ACAP2: variants seen among roughly 807,000 people sequenced by gnomAD.
ACAP2 encodes the protein ArfGAP with coiled-coil, ankyrin repeat and PH domains 2.
In ACAP2, 39 loss-of-function variants were observed where a neutral mutation model predicts 115.8. That is an observed-to-expected ratio of 0.34 (90% CI 0.26 to 0.44). ACAP2 has a LOEUF of 0.44. Among genes scored for constraint, ACAP2 ranks in the 20% least tolerant of loss-of-function variants. ACAP2 has a pLI of 1.00. For synonymous variants in ACAP2, 289 were observed against 315.8 expected, an observed-to-expected ratio of 0.92 and a Z score of 0.90; for missense variants, 662 against 927.6, an observed-to-expected ratio of 0.71 and a Z score of 3.72.
chr3:195,298,288 C>T (rs1727791146), intron 15 of ACAP2, among the ~76,000 whole-genome samples: 1 of 146,584 alleles, frequency 6.8e-6, no homozygotes, highest in South Asian at 2.2e-4. Context: ...CAGAGTCTCA[C>T]TCCATCACCT....
chr3:195,311,082 T>C (rs781225589), intron 10 of ACAP2, among the ~76,000 whole-genome samples: 2 of 138,798 alleles, frequency 1.4e-5, no homozygotes, highest in Non-Finnish European at 3.0e-5. Flanking sequence ...CATTTCATTG[T>C]GGTTTTTTTG....
chr3:195,407,885 A>G (rs928444081), intron 1 of ACAP2, among the ~76,000 whole-genome samples: 2 of 152,214 alleles, frequency 1.3e-5, no homozygotes, highest in African/African-American at 2.4e-5. Flanking sequence ...GTTCTTTGAA[A>G]TACCAACAAA....
At chr3:195,298,218 T>C (rs1047025208) in intron 15 of ACAP2, among the ~76,000 whole-genome samples, 2 of 150,804 alleles carry the variant, frequency 1.3e-5, no homozygotes, top group Non-Finnish European at 2.9e-5. Context: ...AAGAGCACTC[T>C]CATAGGCAAG....
chr3:195,332,483 C>T (rs563739405), intron 8 of ACAP2, among the ~76,000 whole-genome samples: 3 of 152,184 alleles, frequency 2.0e-5, no homozygotes, highest in African/African-American at 7.2e-5. Flanking sequence ...ATACCCAAAA[C>T]GCAAACATTT....
intron 4 of ACAP2, among the ~76,000 whole-genome samples, chr3:195,354,036 T>C (rs1560278553): frequency 6.6e-6 from 1 of 152,224 alleles, no homozygotes; most frequent in Non-Finnish European, 1.5e-5. Flanking sequence ...TTCCCCTGTA[T>C]GTGTCCATGT....
chr3:195,361,974 A>T (rs1336003572), intron 4 of ACAP2, among the ~76,000 whole-genome samples: 1 of 152,174 alleles, frequency 6.6e-6, no homozygotes. Context: ...AGCACGAAGA[A>T]ATCCAAAACC....
chr3:195,415,041 T>C (rs1560346765), intron 1 of ACAP2, among the ~76,000 whole-genome samples: 2 of 152,174 alleles, frequency 1.3e-5, no homozygotes, highest in South Asian at 2.1e-4. Flanking sequence ...TGCATGATCC[T>C]ATAATGGTAG....
chr3:195,425,110 A>G (rs1164248043), intron 1 of ACAP2, among the ~76,000 whole-genome samples: 2 of 151,526 alleles, frequency 1.3e-5, no homozygotes, highest in African/African-American at 4.8e-5. Context: ...CTATACAACT[A>G]AAAGTATCAT....
chr3:195,304,187 A>AC (rs1368715296), intron 13 of ACAP2, among the ~76,000 whole-genome samples: 1 of 150,420 alleles, frequency 6.6e-6, no homozygotes, highest in Non-Finnish European at 1.5e-5. Flanking sequence ...AAAAAAAAAA[A>AC]AAAAAAAACT....
chr3:195,354,888 G>T (rs1441735986), intron 4 of ACAP2, among the ~76,000 whole-genome samples: 5 of 152,190 alleles, frequency 3.3e-5, no homozygotes, highest in Admixed American at 1.3e-4. Flanking sequence ...TTGGAGACAA[G>T]AGTCTCACTC....
Position 195,418,734 on chromosome 3 carries a change from T to G in ACAP2, c.53+24061A>C, listed in dbSNP as rs571966795. On this transcript the variant is annotated intron_variant, in intron 1 of 22. Coordinates refer to ENST00000326793, the MANE Select transcript of ACAP2 (RefSeq NM_012287.6). ...CATGAGCCACCGCACCCAGGCCAAG[T>G]AACTGCTCTATCAATTTGCCATTAA... Among the ~76,000 whole-genome samples the G allele has an allele frequency of 3.5e-4, 54 of 152,322 alleles. No homozygotes were observed. The Middle Eastern group carries it at 0.017, about 48-fold the overall frequency.
chr3:195,436,010 T>C (rs753537698), intron 1 of ACAP2, among the ~76,000 whole-genome samples: 2 of 152,088 alleles, frequency 1.3e-5, no homozygotes, highest in Non-Finnish European at 2.9e-5. Context: ...GTTTCGTGTA[T>C]TTTGGAGCTC....
rs112265134 is a variant in ACAP2, at chr3:195,387,598, C to T, written c.111+4492G>A. On this transcript the variant is annotated intron_variant, in intron 2 of 22. Coordinates refer to ENST00000326793, the MANE Select transcript of ACAP2 (RefSeq NM_012287.6). ...GTGCAGTGGCGCACGCACACAACCACGCCAGGGGCACCATACCCAGCTAAT... is the reference window on the plus strand; with the variant it reads ...GTGCAGTGGCGCACGCACACAACCATGCCAGGGGCACCATACCCAGCTAAT... Among the ~76,000 whole-genome samples, 37 of 152,166 alleles carry T rather than the reference C, an allele frequency of 2.4e-4. 1 individual carries two copies. Among genetic ancestry groups the T allele is most frequent in the African/African-American group, 7.9e-4 (33 of 41,524 alleles).
At chr3:195,344,530 CT>C (rs1451259814) in intron 5 of ACAP2, among the ~76,000 whole-genome samples, 275 of 145,734 alleles carry the variant, frequency 1.9e-3, no homozygotes, top group East Asian at 7.6e-3. Flanking sequence ...AAATCATGTA[CT>C]TTTTTTTTTT....
intron 1 of ACAP2, among the ~76,000 whole-genome samples, chr3:195,399,218 T>C (rs943227476): frequency 1.3e-5 from 2 of 152,232 alleles, no homozygotes; most frequent in African/African-American, 4.8e-5. Context: ...ACAAGTTTCA[T>C]TCATCTTCTC....
Position 195,342,615 on chromosome 3 carries a change from T to C in ACAP2, c.384A>G (p.Glu128=), listed in dbSNP as rs762473031. The C allele has an allele frequency of 1.2e-6, 2 of 1,606,258 alleles. No homozygotes were observed. Among genetic ancestry groups the C allele is most frequent in the East Asian group, 2.2e-5 (1 of 44,766 alleles). ...RKFKDAKKQF[E]KVSEEKENAL... ...CATTTTCTTTTTCTTCACTGACTTT[T>C]TCGAATTGCTTCTTGGCATCTTTGA... Residue 128 remains glutamate, a synonymous_variant, in exon 6 of 23, where the codon GAA becomes GAG. Coordinates refer to ENST00000326793, the MANE Select transcript of ACAP2 (RefSeq NM_012287.6).
intron 1 of ACAP2, among the ~76,000 whole-genome samples, chr3:195,403,013 G>A (rs1490668082): frequency 6.6e-6 from 1 of 152,192 alleles, no homozygotes; most frequent in African/African-American, 2.4e-5. Flanking sequence ...ATGCGATAAG[G>A]TGGTAAGTAC....
At chr3:195,410,605 C>T (rs1000636735) in intron 1 of ACAP2, 1 of 152,202 alleles carries the variant, frequency 6.6e-6, no homozygotes, top group Non-Finnish European at 1.5e-5. Context: ...TCTGAATAGA[C>T]GTTTCTCCAC....
chr3:195,440,564 G>A (rs1182572868), intron 1 of ACAP2, among the ~76,000 whole-genome samples: 1 of 152,142 alleles, frequency 6.6e-6, no homozygotes, highest in African/African-American at 2.4e-5. Flanking sequence ...AAGTGCAGCT[G>A]CCTTACTACC....
Sources: gnomAD v4.1 joint callset for allele counts (sites outside exome capture counted in the v4.1 genomes callset) on GRCh38, gnomAD v4.1.1 for gene constraint, MANE v1.5 for transcripts, NCBI Gene and HGNC (gene_info 2026-07-23, HGNC 2026-07-21) for gene names.